The following ADCK1 variants were observed in gnomAD, a reference collection of about 807,000 sequenced individuals.
ADCK1 encodes aarF domain-containing protein kinase 1.
ADCK1 carries 41 observed loss-of-function variants against 52.3 expected under a neutral mutation model. That is an observed-to-expected ratio of 0.78 (90% CI 0.61 to 1.02). The LOEUF is 1.02. Ranked by LOEUF, ADCK1 falls within the 50% of genes least tolerant of loss-of-function variation. The probability of loss-of-function intolerance (pLI) is 0.00; values close to 1 mark genes in which losing one functional copy is unlikely to be tolerated. For synonymous variants in ADCK1, 250 were observed against 274.6 expected (o/e 0.91, Z 0.89); for missense variants, 658 against 679.5 (o/e 0.97, Z 0.35).
intron 4 of ADCK1, among the ~76,000 whole-genome samples, chr14:77,882,822 C>T (rs140005295): frequency 6.6e-6 from 1 of 152,306 alleles, no homozygotes; most frequent in Non-Finnish European, 1.5e-5. Context: ...TGGATAGTCT[C>T]TTACTCTGCC....
rs1257806387 is a variant in ADCK1, at chr14:77,925,889, C to T, written c.1134C>T (p.Ala378=). 4.3e-6 allele frequency: 7 copies of T among 1,614,100 alleles called. No individual in the cohort carries two copies. Among genetic ancestry groups the T allele is most frequent in the African/African-American group, 1.3e-5 (1 of 74,938 alleles). Residue 378 remains alanine (A), a synonymous_variant, in exon 9 of 11, where the codon GCC becomes GCT. Transcript: ENST00000238561. ...CCGGGGATCTCTACCCCTTGTTTGC[C>T]TGCATGCTGACGGCGCGATCGTGGG... is the stretch of plus-strand genomic sequence containing the variant. ...LGAGDLYPLF[A]CMLTARSWDS...
At chr14:77,916,705 C>T (rs1012387500) in intron 7 of ADCK1, among the ~76,000 whole-genome samples, 18 of 152,230 alleles carry the variant, frequency 1.2e-4, no homozygotes, top group Admixed American at 3.3e-4. Flanking sequence ...CTGCCTCGGC[C>T]TCACAAAGCC....
At chr14:77,852,660 A>AATAAATATATATAT (rs1372819667) in intron 3 of ADCK1, among the ~76,000 whole-genome samples, 7 of 31,728 alleles carry the variant, frequency 2.2e-4, no homozygotes, top group African/African-American at 8.0e-4. Context: ...TAAATAAATA[A>AATAAATATATATAT]ATATATATAT....
Position 77,933,356 on chromosome 14 carries a change from G to A in ADCK1, c.1537G>A (p.Ala513Thr), listed in dbSNP as rs138549494. Reference protein sequence around the residue: ...KGLKLADRVLALICWLFPAPL With the variant: ...KGLKLADRVLTLICWLFPAPL ...GTTGAAGCTGGCTGACCGGGTCTTG[G>A]CCCTAATATGCTGGCTGTTCCCTGC... The change falls in exon 11 of 11, where the codon GCC becomes ACC. Residue 513 changes from alanine (A) to threonine (T), a missense_variant. Transcript: ENST00000238561. 1.2e-6 allele frequency: 2 copies of A among 1,614,066 alleles called. No individual in the cohort carries two copies. The highest frequency in any genetic ancestry group is 4.5e-5 in the East Asian group (2 of 44,866).
intron 4 of ADCK1, among the ~76,000 whole-genome samples, chr14:77,863,735 G>C (rs2082602488): frequency 6.6e-6 from 1 of 152,092 alleles, no homozygotes. Context: ...TACTTGGAAG[G>C]CTGTGGCAGG....
At chr14:77,817,863 G>C (rs2081492810) in intron 1 of ADCK1, among the ~76,000 whole-genome samples, 1 of 151,968 alleles carries the variant, frequency 6.6e-6, no homozygotes, top group African/African-American at 2.4e-5. Context: ...AGCCTCCCGA[G>C]TAGCTGGGAC....
At chr14:77,879,934 T>C (rs1169270717) in intron 4 of ADCK1, among the ~76,000 whole-genome samples, 2 of 152,196 alleles carry the variant, frequency 1.3e-5, no homozygotes, top group Non-Finnish European at 2.9e-5. Context: ...ACCCTTTATG[T>C]ATGTGGTTTC....
chr14:77,899,213 T>C lies in ADCK1; in HGVS notation c.696T>C (p.Asn232=), dbSNP rs1334605165. Residue 232 remains asparagine, a synonymous_variant, in exon 6 of 11, where the codon AAT becomes AAC. Coordinates refer to ENST00000238561, the MANE Select transcript of ADCK1 (RefSeq NM_020421.4). ...LELDFLNEGR[N]AEKVSQMLRH... ...TGGATTTCCTCAATGAAGGGAGGAA[T>C]GCTGAGAAGGTGTCCCAGATGCTCA... 3 of 1,614,114 alleles carry C rather than the reference T, an allele frequency of 1.9e-6. No homozygotes were observed. The highest frequency in any genetic ancestry group is 1.1e-5 in the South Asian group (1 of 91,074).
In ADCK1 at chr14:77,859,198, G is replaced by A. The variant is rs369771535; in HGVS notation, c.342G>A (p.Thr114=). The A allele has an allele frequency of 8.2e-5, 132 of 1,614,036 alleles. No homozygotes were observed. Among genetic ancestry groups the A allele is most frequent in the Non-Finnish European group, 1.0e-4 (123 of 1,179,992 alleles). ...TGTTGCCAGAGGAGTACACCAGCAC[G>A]CTGAAGGTACTGCACAGCCAGGCTC... The part of the protein sequence containing the change: ...DYLLPEEYTS[T]LKVLHSQAPQ... The change falls in exon 4 of 11, where the codon ACG becomes ACA. Residue 114 remains threonine (T), a synonymous_variant. Coordinates refer to ENST00000238561, the MANE Select transcript of ADCK1 (RefSeq NM_020421.4).
chr14:77,909,837 C>T (rs559392193), intron 7 of ADCK1, among the ~76,000 whole-genome samples: 2 of 152,224 alleles, frequency 1.3e-5, no homozygotes, highest in South Asian at 4.1e-4. Context: ...TGTGCCAGGC[C>T]CTTTTCTCCA....
chr14:77,815,464 C>A (rs911389065), intron 1 of ADCK1, among the ~76,000 whole-genome samples: 3 of 151,350 alleles, frequency 2.0e-5, no homozygotes, highest in Non-Finnish European at 4.4e-5. Context: ...CCCATTGTGG[C>A]CTCCGGAAGT....
intron 4 of ADCK1, among the ~76,000 whole-genome samples, chr14:77,878,609 C>T (rs973113376): frequency 3.3e-5 from 5 of 152,196 alleles, no homozygotes; most frequent in African/African-American, 1.2e-4. Context: ...TCAGGGCTGG[C>T]TCATTGCCTC....
chr14:77,852,660 A>ATATATATAT (rs2082310962), intron 3 of ADCK1, among the ~76,000 whole-genome samples: 32 of 31,670 alleles, frequency 1.0e-3, no homozygotes, highest in African/African-American at 2.2e-3. Context: ...TAAATAAATA[A>ATATATATAT]ATATATATAT....
chr14:77,837,899 G>A (rs575503338), intron 3 of ADCK1, among the ~76,000 whole-genome samples: 170 of 152,334 alleles, frequency 1.1e-3, no homozygotes, highest in Non-Finnish European at 2.0e-3. Flanking sequence ...ATACTGGCTT[G>A]GATGAGATGT....
chr14:77,911,978 C>T (rs1437717059), intron 7 of ADCK1, among the ~76,000 whole-genome samples: 2 of 152,126 alleles, frequency 1.3e-5, no homozygotes, highest in African/African-American at 2.4e-5. Context: ...TTTCTAGCTC[C>T]CTGGCGAGCT....
intron 1 of ADCK1, among the ~76,000 whole-genome samples, chr14:77,817,157 G>A (rs1456542246): frequency 6.6e-6 from 1 of 152,132 alleles, no homozygotes; most frequent in Non-Finnish European, 1.5e-5. Flanking sequence ...CAGGAGAAAC[G>A]CTCCAACCTG....
chr14:77,836,527 C>T (rs1488034853), intron 3 of ADCK1, among the ~76,000 whole-genome samples: 1 of 152,178 alleles, frequency 6.6e-6, no homozygotes, highest in East Asian at 1.9e-4. Context: ...GTACTAATTT[C>T]CTGTGATTGC....
intron 3 of ADCK1, 134 bp from the exon 4 acceptor site, chr14:77,858,942 G>T: frequency 1.3e-6 from 1 of 759,102 alleles, no homozygotes; most frequent in Non-Finnish European, 2.1e-6. Context: ...GTGTGTGTGC[G>T]TGTGTGTGCA....
rs200174489 is a variant in ADCK1, at chr14:77,837,636, C to G, written c.219+15118C>G. On this transcript the variant is annotated intron_variant, in intron 3 of 10. Transcript: ENST00000238561. ...CCACTCTACTCCCCGGCTCACTAATCTGGACTGGATGAGCTCCCAGGGTTC... is the reference window on the plus strand; with the variant it reads ...CCACTCTACTCCCCGGCTCACTAATGTGGACTGGATGAGCTCCCAGGGTTC... 2.6e-5 allele frequency among the ~76,000 whole-genome samples: 4 copies of G among 152,330 alleles called. No individual in the cohort carries two copies. The East Asian group carries it at 7.7e-4, about 29-fold the overall frequency.
Sources: allele counts gnomAD v4.1 joint callset (sites outside exome capture counted in the v4.1 genomes callset), GRCh38; gene constraint gnomAD v4.1.1; transcripts MANE v1.5; gene names NCBI Gene and HGNC (gene_info 2026-07-23, HGNC 2026-07-21).